SCAF4: variants seen among roughly 807,000 people sequenced by gnomAD.
SCAF4 encodes SR-related CTD associated factor 4.
SCAF4 carries 25 observed loss-of-function variants against 129.8 expected under a neutral mutation model. The observed-to-expected ratio is 0.19, with a 90% CI of 0.14 to 0.27. The LOEUF (loss-of-function observed/expected upper bound fraction) is 0.27. Among genes scored for constraint, SCAF4 ranks in the 10% least tolerant of loss-of-function variants. The pLI is 1.00. For missense variants in SCAF4, 1,246 were observed against 1,457.1 expected, an observed-to-expected ratio of 0.86 and a Z score of 2.36; for synonymous variants, 551 against 497.7, an observed-to-expected ratio of 1.11 and a Z score of -1.43.
chr21:31,729,760 C>A (rs1763700201), intron 1 of SCAF4, among the ~76,000 whole-genome samples: 1 of 152,120 alleles, frequency 6.6e-6, no homozygotes, highest in African/African-American at 2.4e-5. Flanking sequence ...GGAAAATGAA[C>A]AATGATAAGA....
chr21:31,671,302 C>A lies in SCAF4; in HGVS notation c.*97G>T. ...CAGTTCCCCACCAGCTGGCGCGGGG[C>A]TGCAGTACAGCGGGAGCGGATATAA... On this transcript the variant is annotated 3_prime_UTR_variant, in exon 20 of 20. Coordinates refer to ENST00000286835, the MANE Select transcript of SCAF4 (RefSeq NM_020706.2). The A allele has an allele frequency of 7.2e-7, 1 of 1,390,350 alleles. No homozygotes were observed. 86.1% of individuals were successfully genotyped at this position (1,390,350 alleles called of 1,614,324 possible). A position where few individuals can be genotyped will look rare whatever the true frequency, so the allele number is the denominator to read the frequency against.
At chr21:31,715,125 C>T (rs972410848) in intron 1 of SCAF4, among the ~76,000 whole-genome samples, 1 of 152,188 alleles carries the variant, frequency 6.6e-6, no homozygotes, top group Non-Finnish European at 1.5e-5. Flanking sequence ...AGCAAGGCGA[C>T]ATTCCTTGTA....
rs769389780 is a variant in SCAF4 at position 31,693,532 on chromosome 21, C to T, written c.1323-48G>A. Reference sequence around the variant, plus strand: ...GAATGCATAGCATATAGACAAAAACCAGAAAATATAAGCACATACTAATTA... The same window carrying T: ...GAATGCATAGCATATAGACAAAAACTAGAAAATATAAGCACATACTAATTA... On this transcript the variant is annotated intron_variant, in intron 11 of 19. Transcript: ENST00000286835. 13 of 1,257,866 alleles carry T rather than the reference C, an allele frequency of 1.0e-5. No individual in the cohort carries two copies. The South Asian group carries it at 2.3e-4, about 22-fold the overall frequency. 77.9% of individuals were successfully genotyped at this position (1,257,866 alleles called of 1,614,324 possible).
intron 1 of SCAF4, among the ~76,000 whole-genome samples, chr21:31,723,874 G>T (rs1313938032): frequency 6.6e-6 from 1 of 152,080 alleles, no homozygotes; most frequent in Non-Finnish European, 1.5e-5. Context: ...TAACTTTCAA[G>T]AGGTATTTGG....
chr21:31,677,664 A>G (rs925961184), intron 19 of SCAF4, among the ~76,000 whole-genome samples: 1 of 152,124 alleles, frequency 6.6e-6, no homozygotes, highest in African/African-American at 2.4e-5. Context: ...TCCTGCCTAG[A>G]AACTCTACTT....
At chr21:31,694,459 A>G (rs1399454096) in intron 10 of SCAF4, among the ~76,000 whole-genome samples, 170 bp from the exon 11 acceptor site, 1 of 152,242 alleles carries the variant, frequency 6.6e-6, no homozygotes, top group Non-Finnish European at 1.5e-5. Flanking sequence ...AAAAAAAACA[A>G]AAACAAAAAC....
intron 1 of SCAF4, among the ~76,000 whole-genome samples, chr21:31,712,674 G>T (rs2050832962): frequency 6.6e-6 from 1 of 151,764 alleles, no homozygotes; most frequent in Non-Finnish European, 1.5e-5. Context: ...GATTACAGGC[G>T]CCTGCCACCA....
Position 31,696,580 on chromosome 21 carries a change from T to TGGA in SCAF4, c.945_947dup (p.Pro316dup), listed in dbSNP as rs750594194. 10 of 1,580,958 alleles carry TGGA rather than the reference T, an allele frequency of 6.3e-6. No individual in the cohort carries two copies. Among genetic ancestry groups the TGGA allele is most frequent in the South Asian group, 1.2e-5 (1 of 85,962 alleles). On this transcript the variant is annotated inframe_insertion, in exon 8 of 20. Coordinates refer to ENST00000286835, the MANE Select transcript of SCAF4 (RefSeq NM_020706.2). ...AAAAAAAAACTAACAATGGTGCCTG[T>TGGA]GGAGGAGGAGGAGAGGCAGCAGCGG...
intron 1 of SCAF4, among the ~76,000 whole-genome samples, chr21:31,727,236 G>A (rs974290904): frequency 9.2e-5 from 14 of 151,806 alleles, no homozygotes; most frequent in African/African-American, 2.7e-4. Context: ...CTACCACCAG[G>A]CCCAGCTAAT....
At position 31,701,935 on chromosome 21, in the gene SCAF4, C is replaced by T. The variant is rs1162519968; in HGVS notation, c.458-17G>A. The T allele has an allele frequency of 1.2e-6, 2 of 1,607,848 alleles. No homozygotes were observed. Among genetic ancestry groups the T allele is most frequent in the South Asian group, 1.1e-5 (1 of 89,502 alleles). On this transcript the variant is annotated splice_polypyrimidine_tract_variant and intron_variant, in intron 5 of 19. Coordinates refer to ENST00000286835, the MANE Select transcript of SCAF4 (RefSeq NM_020706.2). ...GAGGTGAGCCTAAAAAAGAAAAGGG[C>T]ATTAAGGCCTAAAAAAAAAGTTAAC... is the stretch of plus-strand genomic sequence containing the variant.
At chr21:31,677,817 G>T (rs930566340) in intron 19 of SCAF4, among the ~76,000 whole-genome samples, 1 of 152,026 alleles carries the variant, frequency 6.6e-6, no homozygotes, top group Non-Finnish European at 1.5e-5. Flanking sequence ...ATTCTAACAC[G>T]GCTACTTGTA....
chr21:31,718,106 G>A (rs1047542815), intron 1 of SCAF4, among the ~76,000 whole-genome samples: 1 of 152,028 alleles, frequency 6.6e-6, no homozygotes, highest in African/African-American at 2.4e-5. Flanking sequence ...ACCACACCTG[G>A]CTAATTTTTT....
intron 12 of SCAF4, among the ~76,000 whole-genome samples, chr21:31,692,706 C>G (rs2050288083): frequency 6.6e-6 from 1 of 152,144 alleles, no homozygotes; most frequent in Non-Finnish European, 1.5e-5. Flanking sequence ...AAGATTACAT[C>G]TATAAAAACT....
At chr21:31,696,849 C>A in intron 7 of SCAF4, 99 bp from the exon 8 acceptor site, 1 of 1,026,268 alleles carries the variant, frequency 9.7e-7, no homozygotes, top group Non-Finnish European at 1.4e-6. Flanking sequence ...ATCTAGAAAC[C>A]CACATTGTCA....
At chr21:31,714,231 A>AC (rs2050873272) in intron 1 of SCAF4, among the ~76,000 whole-genome samples, 1 of 152,176 alleles carries the variant, frequency 6.6e-6, no homozygotes, top group African/African-American at 2.4e-5. Context: ...TTCAATAAAC[A>AC]CCGTTAGGTG....
chr21:31,709,350 C>CAA (rs376581889), intron 1 of SCAF4, among the ~76,000 whole-genome samples: 3,284 of 117,738 alleles, frequency 0.028, 71 homozygotes, highest in African/African-American at 0.064. Context: ...CTGAAACTGT[C>CAA]AAAAAAAAAA....
intron 1 of SCAF4, among the ~76,000 whole-genome samples, chr21:31,727,559 C>A (rs1477562269): frequency 2.0e-5 from 3 of 152,134 alleles, no homozygotes; most frequent in Admixed American, 6.5e-5. Flanking sequence ...CTTTGGGAGG[C>A]CAGGAGGGTG....
In SCAF4 at chr21:31,671,910, T is replaced by C; in HGVS notation, c.2933A>G (p.Gln978Arg). Residue 978 changes from glutamine (Q) to arginine (R), a missense_variant, in exon 20 of 20, where the codon CAG becomes CGG. By Grantham distance (43) the Gln-to-Arg change is conservative. This residue lies in a region of SCAF4 where 339 missense variants were observed against 325.0 expected (regional missense o/e 1.04). Coordinates refer to ENST00000286835, the MANE Select transcript of SCAF4 (RefSeq NM_020706.2). ...PPSQQPPPTQ[Q>R]QPQQFRNDNR... is the part of the protein sequence containing the mutation. ...ATCATTTCTAAACTGCTGTGGCTGC[T>C]GCTGTGTTGGTGGAGGCTGTTGTGA... The C allele has an allele frequency of 6.2e-7, 1 of 1,613,496 alleles. No individual in the cohort carries two copies. Among genetic ancestry groups the C allele is most frequent in the Non-Finnish European group, 8.5e-7 (1 of 1,179,618 alleles).
intron 1 of SCAF4, among the ~76,000 whole-genome samples, chr21:31,717,738 C>G (rs557967854): frequency 2.7e-5 from 4 of 150,458 alleles, no homozygotes; most frequent in African/African-American, 9.8e-5. Flanking sequence ...CCCCTCCCCC[C>G]ACAAATCCTT....
Sources: gnomAD v4.1 joint callset for allele counts (sites outside exome capture counted in the v4.1 genomes callset) on GRCh38, gnomAD v4.1.1 for gene constraint, gnomAD v4.1.1 regional missense constraint, MANE v1.5 for transcripts, NCBI Gene and HGNC (gene_info 2026-07-23, HGNC 2026-07-21) for gene names.